GRIN2B: variants seen among roughly 807,000 people sequenced by gnomAD.
The protein encoded by GRIN2B is glutamate receptor ionotropic, NMDA 2B.
Under a neutral mutation model 114.5 loss-of-function variants are expected in GRIN2B, and 5 were observed. That is an observed-to-expected ratio of 0.04 (90% CI 0.02 to 0.09). GRIN2B has a LOEUF of 0.09. Ranked by LOEUF, GRIN2B falls within the 10% of genes least tolerant of loss-of-function variation. The pLI, the probability that GRIN2B is intolerant of heterozygous loss-of-function variation, is 1.00. For missense variants in GRIN2B, 1,108 were observed against 1,943.5 expected (o/e 0.57, Z 8.08); for synonymous variants, 787 against 745.1 (o/e 1.06, Z -0.92).
In GRIN2B at chr12:13,926,041, C is replaced by A. The variant is rs182669865; in HGVS notation, c.-19+53887G>T. Among the ~76,000 whole-genome samples, 9 of 152,094 alleles carry A rather than the reference C, an allele frequency of 5.9e-5. No homozygotes were observed. The East Asian group carries it at 1.7e-3, about 29-fold the overall frequency. ...GGCAATGGAACGGGGCAAGAATATG[C>A]CAGATCTGAAGTAAAGGCCAAGTCC... On this transcript the variant is annotated intron_variant, in intron 2 of 13. Transcript: ENST00000609686.
chr12:13,678,113 A>G (rs1317532490), intron 4 of GRIN2B, among the ~76,000 whole-genome samples: 1 of 152,174 alleles, frequency 6.6e-6, no homozygotes, highest in Non-Finnish European at 1.5e-5. Flanking sequence ...TCTATGAAGG[A>G]CATCTAAACC....
intron 2 of GRIN2B, among the ~76,000 whole-genome samples, chr12:13,939,939 C>T (rs1867208272): frequency 1.3e-5 from 2 of 152,082 alleles, no homozygotes; most frequent in Admixed American, 1.3e-4. Context: ...GTTGAGTGTG[C>T]CTGTGCATTA....
At position 13,560,125 on chromosome 12, in the gene GRIN2B, C is replaced by T. The variant is rs1338769655; in HGVS notation, c.*2658G>A. On this transcript the variant is annotated 3_prime_UTR_variant, in exon 14 of 14. Coordinates refer to ENST00000609686, the MANE Select transcript of GRIN2B (RefSeq NM_000834.5). ...TAAAACCCTGGCCAAAGTGCATGAA[C>T]ATTTCTCACAAACCAGTAAGAAGAC... 1 of 152,176 alleles carries T rather than the reference C, an allele frequency of 6.6e-6. No homozygotes were observed. The highest frequency in any genetic ancestry group is 2.4e-5 in the African/African-American group (1 of 41,426). The allele number at this position is 152,176 out of a possible 1,614,324, so 9.4% of individuals were successfully genotyped here. A position where few individuals can be genotyped will look rare whatever the true frequency, so the allele number is the denominator to read the frequency against.
intron 4 of GRIN2B, among the ~76,000 whole-genome samples, chr12:13,688,284 C>A (rs879376247): frequency 6.6e-6 from 1 of 152,162 alleles, no homozygotes; most frequent in Non-Finnish European, 1.5e-5. Flanking sequence ...AAGCCCTAGG[C>A]TCTTGATTAT....
chr12:13,665,767 G>C (rs966326030), intron 5 of GRIN2B, among the ~76,000 whole-genome samples: 12 of 152,052 alleles, frequency 7.9e-5, no homozygotes, highest in African/African-American at 2.9e-4. Flanking sequence ...TGTATTCATG[G>C]CCAAATCTTC....
intron 2 of GRIN2B, among the ~76,000 whole-genome samples, chr12:13,902,101 A>G (rs1398715648): frequency 6.6e-6 from 1 of 152,190 alleles, no homozygotes; most frequent in Non-Finnish European, 1.5e-5. Context: ...CAGCTTTAAA[A>G]TAATCCAATC....
In GRIN2B at chr12:13,615,719, C is replaced by T; in HGVS notation, c.1329-55G>A. The stretch of plus-strand genomic sequence containing the variant: ...AACAAAAAAGTCTTTGTACAAAAAG[C>T]CAACATTTATTACCCTTTGCCATTA... On this transcript the variant is annotated intron_variant, in intron 6 of 13. Coordinates refer to ENST00000609686, the MANE Select transcript of GRIN2B (RefSeq NM_000834.5). The surrounding 1 kb of genome is among the most constrained non-coding windows in gnomAD (Gnocchi z 5.8). The T allele has an allele frequency of 6.7e-7, 1 of 1,494,138 alleles. No individual in the cohort carries two copies. Among genetic ancestry groups the T allele is most frequent in the Non-Finnish European group, 9.3e-7 (1 of 1,071,012 alleles). The allele number at this position is 1,494,138 out of a possible 1,614,324, so 92.6% of individuals were successfully genotyped here.
intron 2 of GRIN2B, among the ~76,000 whole-genome samples, chr12:13,873,880 T>C (rs1865952044): frequency 6.6e-6 from 1 of 152,232 alleles, no homozygotes; most frequent in African/African-American, 2.4e-5. Flanking sequence ...TACAGCCACA[T>C]AAATAATGGA....
intron 4 of GRIN2B, among the ~76,000 whole-genome samples, chr12:13,681,950 A>G (rs1950135056): frequency 6.6e-6 from 1 of 152,202 alleles, no homozygotes; most frequent in African/African-American, 2.4e-5. Context: ...ATTTATACAC[A>G]GTACCTCTAG....
chr12:13,601,919 G>T (rs1949166465), intron 10 of GRIN2B, among the ~76,000 whole-genome samples: 1 of 152,120 alleles, frequency 6.6e-6, no homozygotes, highest in Non-Finnish European at 1.5e-5. Flanking sequence ...ACCTGTTGGG[G>T]CATATAGCAG....
At chr12:13,613,608 G>A (rs1949395191) in intron 8 of GRIN2B, among the ~76,000 whole-genome samples, 1 of 152,130 alleles carries the variant, frequency 6.6e-6, no homozygotes, top group South Asian at 2.1e-4. Flanking sequence ...CTAGAACACA[G>A]GTTCTGAAGG....
chr12:13,878,014 A>G (rs768400106), intron 2 of GRIN2B, among the ~76,000 whole-genome samples: 2 of 144,812 alleles, frequency 1.4e-5, no homozygotes, highest in Non-Finnish European at 3.0e-5. Flanking sequence ...CAATGAGCCG[A>G]GATCGCACCA....
intron 10 of GRIN2B, among the ~76,000 whole-genome samples, chr12:13,582,910 T>C (rs1398875991): frequency 6.6e-6 from 1 of 152,240 alleles, no homozygotes; most frequent in Non-Finnish European, 1.5e-5. Flanking sequence ...GTCACTTCTT[T>C]TGTATTTTAT....
intron 10 of GRIN2B, among the ~76,000 whole-genome samples, chr12:13,575,585 G>C (rs532178946): frequency 2.0e-5 from 3 of 152,164 alleles, no homozygotes; most frequent in Admixed American, 1.3e-4. Context: ...CTTGAGCCCA[G>C]GAGGTGGAGG....
chr12:13,701,793 C>T (rs1253713471), intron 4 of GRIN2B, among the ~76,000 whole-genome samples: 1 of 152,186 alleles, frequency 6.6e-6, no homozygotes, highest in Non-Finnish European at 1.5e-5. Flanking sequence ...CTCAAAGATC[C>T]AGACAAGAAC....
chr12:13,731,146 A>ATAAATTT (rs1863081326), intron 4 of GRIN2B, among the ~76,000 whole-genome samples: 1 of 152,184 alleles, frequency 6.6e-6, no homozygotes, highest in African/African-American at 2.4e-5. Flanking sequence ...CTCTATGCTG[A>ATAAATTT]TAAATTTTAA....
intron 3 of GRIN2B, among the ~76,000 whole-genome samples, chr12:13,864,267 C>A (rs536486246): frequency 1.3e-5 from 2 of 152,288 alleles, no homozygotes; most frequent in South Asian, 4.1e-4. Flanking sequence ...CTGCCTGCTG[C>A]CGACAGGTGG....
chr12:13,877,028 C>T (rs1866000303), intron 2 of GRIN2B, among the ~76,000 whole-genome samples: 1 of 152,196 alleles, frequency 6.6e-6, no homozygotes, highest in East Asian at 1.9e-4. Context: ...AATATCATTT[C>T]CAACTTCTTG....
At chr12:13,941,900 G>A (rs1867261677) in intron 2 of GRIN2B, among the ~76,000 whole-genome samples, 1 of 152,220 alleles carries the variant, frequency 6.6e-6, no homozygotes, top group Non-Finnish European at 1.5e-5. Context: ...CGCAGTGTCT[G>A]CTAAGGACAA....
Sources: allele counts gnomAD v4.1 joint callset (sites outside exome capture counted in the v4.1 genomes callset), GRCh38; gene constraint gnomAD v4.1.1; non-coding constraint Gnocchi (gnomAD v3.1); transcripts MANE v1.5; gene names NCBI Gene and HGNC (gene_info 2026-07-23, HGNC 2026-07-21).